Variants in AP1G1 observed in about 807,000 individuals in gnomAD.
AP1G1 encodes adaptor related protein complex 1 subunit gamma 1.
AP1G1 carries 7 observed loss-of-function variants against 108.3 expected under a neutral mutation model. The ratio of observed to expected loss-of-function variants is 0.06; its 90% CI spans 0.04 to 0.12. AP1G1 has a LOEUF of 0.12. AP1G1 is among the 10% of genes least tolerant of loss of function. AP1G1 has a pLI of 1.00. For missense variants in AP1G1, 756 were observed against 1,010.7 expected (o/e 0.75, Z 3.42); for synonymous variants, 379 against 353.5 (o/e 1.07, Z -0.81).
intron 1 of AP1G1, among the ~76,000 whole-genome samples, chr16:71,796,628 C>T (rs1346623533): frequency 6.6e-6 from 1 of 152,122 alleles, no homozygotes; most frequent in African/African-American, 2.4e-5. Context: ...ATTTCTGGAT[C>T]TTCAAGGCTA....
chr16:71,796,776 G>A (rs1023473900), intron 1 of AP1G1, among the ~76,000 whole-genome samples: 6 of 152,050 alleles, frequency 3.9e-5, no homozygotes, highest in African/African-American at 1.4e-4. Context: ...CTTATTTTAT[G>A]CTTAATTATC....
intron 1 of AP1G1, among the ~76,000 whole-genome samples, chr16:71,803,815 C>T (rs1311618805): frequency 2.0e-5 from 3 of 150,580 alleles, no homozygotes; most frequent in African/African-American, 7.3e-5. Flanking sequence ...GTCCCAGCTA[C>T]TCGGGAGGCT....
At chr16:71,808,659 T>C in intron 1 of AP1G1, 104 bp downstream of exon 1, 9 of 1,289,446 alleles carry the variant, frequency 7.0e-6, no homozygotes, top group Non-Finnish European at 9.1e-6. Context: ...ACCCACAGCC[T>C]GGGACTGGAC....
rs771784072 is a variant in AP1G1, at chr16:71,745,458, T to C, written c.1872+15A>G. The C allele has an allele frequency of 1.9e-6, 3 of 1,613,910 alleles. No individual in the cohort carries two copies. The African/African-American group carries it at 4.0e-5, about 22-fold the overall frequency. ...TCGTAAGAAGCCCCAGATGAGCAAGTGAAAGGCTGGCTACCTGGCTGGTGG... is the reference window on the plus strand; with the variant it reads ...TCGTAAGAAGCCCCAGATGAGCAAGCGAAAGGCTGGCTACCTGGCTGGTGG... On this transcript the variant is annotated intron_variant, in intron 18 of 22. Transcript: ENST00000299980.
chr16:71,785,135 G>T (rs555102288), intron 2 of AP1G1, among the ~76,000 whole-genome samples: 178 of 151,358 alleles, frequency 1.2e-3, no homozygotes, highest in African/African-American at 4.1e-3. Flanking sequence ...TACACTTACA[G>T]CACATCTCAA....
At chr16:71,752,110 T>A (rs139047685) in intron 13 of AP1G1, among the ~76,000 whole-genome samples, 1 of 152,160 alleles carries the variant, frequency 6.6e-6, no homozygotes, top group South Asian at 2.1e-4. Flanking sequence ...TAACCCAGCA[T>A]GTAACAGGCT....
chr16:71,768,308 C>T (rs2031402009), intron 6 of AP1G1, among the ~76,000 whole-genome samples: 1 of 149,124 alleles, frequency 6.7e-6, no homozygotes, highest in Admixed American at 6.7e-5. Context: ...ACCAGCCTGG[C>T]TAACATGGTG....
At position 71,746,623 on chromosome 16, in the gene AP1G1, T is replaced by C. The variant is rs765700129; in HGVS notation, c.1695A>G (p.Glu565=). 2 of 1,612,674 alleles carry C rather than the reference T, an allele frequency of 1.2e-6. No homozygotes were observed. Among genetic ancestry groups the C allele is most frequent in the Admixed American group, 3.3e-5 (2 of 59,884 alleles). Reference sequence around the variant, plus strand: ...CATATTTCTTGAAAAGTGCATTATATTCTACTGCCCTCTGCTGGAGTTCCA... The same window carrying C: ...CATATTTCTTGAAAAGTGCATTATACTCTACTGCCCTCTGCTGGAGTTCCA... The part of the protein sequence containing the change: ...IDVELQQRAV[E]YNALFKKYDH... Residue 565 remains glutamate (E), a synonymous_variant, in exon 17 of 23, where the codon GAA becomes GAG. Transcript: ENST00000299980.
chr16:71,768,447 G>T (rs1455359744), intron 6 of AP1G1, among the ~76,000 whole-genome samples: 1 of 125,022 alleles, frequency 8.0e-6, no homozygotes, highest in African/African-American at 3.0e-5. Flanking sequence ...GTTGCAGTGA[G>T]CCAAGATTGC....
chr16:71,805,321 G>A (rs985883727), intron 1 of AP1G1, among the ~76,000 whole-genome samples: 7 of 151,980 alleles, frequency 4.6e-5, no homozygotes, highest in South Asian at 2.1e-4. Flanking sequence ...GGTGGCGCAC[G>A]CTTGTAATCC....
At chr16:71,791,805 A>G (rs774614936) in intron 1 of AP1G1, among the ~76,000 whole-genome samples, 4 of 121,188 alleles carry the variant, frequency 3.3e-5, no homozygotes, top group Non-Finnish European at 4.8e-5. Context: ...CTCGTTGCCC[A>G]GGCTGGAGTG....
In AP1G1 at chr16:71,733,099, G is replaced by C. The variant is rs766353180; in HGVS notation, c.2428C>G (p.Leu810Val). 1.2e-6 allele frequency: 2 copies of C among 1,614,030 alleles called. No homozygotes were observed. The highest frequency in any genetic ancestry group is 1.3e-5 in the African/African-American group (1 of 74,932). The stretch of plus-strand genomic sequence containing the variant: ...GGGGGAAAGTTGTTCACCTCTGCTA[G>C]ATCTTGCATTGCTGAGCCCTTGTGA... The part of the protein sequence containing the change: ...YNHKGSAMQD[L>V]AEVNNFPPQS... The change falls in exon 23 of 23, where the codon CTA becomes GTA. Residue 810 changes from leucine to valine, a missense_variant. Around this residue, in one of 3 missense-constraint regions of AP1G1, gnomAD observed 95 missense variants for 160.5 expected, o/e 0.59. Transcript: ENST00000299980.
chr16:71,759,030 C>T, intron 10 of AP1G1, 109 bp from the exon 11 acceptor site: 1 of 642,616 alleles, frequency 1.6e-6, no homozygotes, highest in Non-Finnish European at 2.7e-6. Flanking sequence ...AGAAAGCATA[C>T]ATTTTTATTT....
In AP1G1 at chr16:71,769,674, G is replaced by A; in HGVS notation, c.591C>T (p.Leu197=). The part of the protein sequence containing the change: ...NHGVLHTSVV[L]LTEMCERSPD... ...GGCTTCGCTCACACATTTCTGTGAG[G>A]AGGACTACAGATGTGTGGAGGACAC... The change falls in exon 6 of 23, where the codon CTC becomes CTT. Residue 197 remains leucine (L), a synonymous_variant. Coordinates refer to ENST00000299980, the MANE Select transcript of AP1G1 (RefSeq NM_001128.6). The A allele has an allele frequency of 1.2e-6, 2 of 1,613,556 alleles. No individual in the cohort carries two copies. The highest frequency in any genetic ancestry group is 8.5e-7 in the Non-Finnish European group (1 of 1,179,632).
At chr16:71,803,906 AGAG>A (rs1326493917) in intron 1 of AP1G1, among the ~76,000 whole-genome samples, 2 of 147,630 alleles carry the variant, frequency 1.4e-5, no homozygotes, top group East Asian at 2.0e-4. Context: ...CCTGGGCAAC[AGAG>A]GAGGACTCCG....
chr16:71,748,180 AGTTTTTTGGGATTTTTTTT>A (rs2030283957), intron 16 of AP1G1, 52 bp downstream of exon 16: 1 of 1,527,214 alleles, frequency 6.5e-7, no homozygotes, highest in Non-Finnish European at 8.8e-7. Flanking sequence ...CATGATAACA[AGTTTTTTGGGATTTTTTTT>A]GTTTTTTAAT....
intron 19 of AP1G1, among the ~76,000 whole-genome samples, chr16:71,740,727 T>C (rs1342003940): frequency 6.6e-6 from 1 of 152,186 alleles, no homozygotes; most frequent in Non-Finnish European, 1.5e-5. Flanking sequence ...CTACATACTA[T>C]ATCAAGAAAT....
intron 9 of AP1G1, 32 bp downstream of exon 9, chr16:71,764,317 TA>T (rs776779946): frequency 5.2e-6 from 7 of 1,344,122 alleles, no homozygotes; most frequent in South Asian, 3.9e-5. Flanking sequence ...GTGAAACATT[TA>T]GGGGGGGAAG....
intron 13 of AP1G1, among the ~76,000 whole-genome samples, chr16:71,753,186 TA>T (rs2030599246): frequency 6.6e-6 from 1 of 152,214 alleles, no homozygotes; most frequent in Non-Finnish European, 1.5e-5. Flanking sequence ...CTTAAATACC[TA>T]ATCCTTGCCT....
Sources: allele counts gnomAD v4.1 joint callset (sites outside exome capture counted in the v4.1 genomes callset), GRCh38; gene constraint gnomAD v4.1.1; regional missense constraint gnomAD v4.1.1; transcripts MANE v1.5; gene names NCBI Gene and HGNC (gene_info 2026-07-23, HGNC 2026-07-21).